TBC1D22A: variants seen among roughly 807,000 people sequenced by gnomAD.
The protein encoded by TBC1D22A is putative GTPase activator.
Under a neutral mutation model 60.2 loss-of-function variants are expected in TBC1D22A, and 38 were observed. The ratio of observed to expected loss-of-function variants is 0.63; its 90% CI spans 0.49 to 0.83. The LOEUF (loss-of-function observed/expected upper bound fraction) is 0.83. Among genes scored for constraint, TBC1D22A ranks in the 40% least tolerant of loss-of-function variants. The pLI is 0.00. For synonymous variants in TBC1D22A, 302 were observed against 281.7 expected (o/e 1.07, Z -0.72); for missense variants, 628 against 701.0 (o/e 0.90, Z 1.18).
chr22:47,160,318 G>A (rs908377648), intron 12 of TBC1D22A, among the ~76,000 whole-genome samples: 5 of 152,202 alleles, frequency 3.3e-5, no homozygotes, highest in Admixed American at 1.3e-4. Context: ...CGTGTGAGGG[G>A]CCCTCCCTTG....
At chr22:46,906,422 G>A (rs370304378) in intron 7 of TBC1D22A, among the ~76,000 whole-genome samples, 1 of 152,126 alleles carries the variant, frequency 6.6e-6, no homozygotes, top group African/African-American at 2.4e-5. Context: ...TTAGCTGCCT[G>A]GGCGCCGCTG....
At chr22:47,003,148 C>G (rs2061451314) in intron 10 of TBC1D22A, among the ~76,000 whole-genome samples, 1 of 152,132 alleles carries the variant, frequency 6.6e-6, no homozygotes, top group Non-Finnish European at 1.5e-5. Flanking sequence ...TTCATATAAA[C>G]AGTGAACAAT....
intron 10 of TBC1D22A, among the ~76,000 whole-genome samples, chr22:47,018,499 C>G (rs555423408): frequency 6.6e-6 from 1 of 152,268 alleles, no homozygotes; most frequent in African/African-American, 2.4e-5. Flanking sequence ...CTCGGCTGTC[C>G]TGCCTCTTGG....
chr22:46,770,617 C>G (rs1369244160), intron 1 of TBC1D22A, among the ~76,000 whole-genome samples: 1 of 152,176 alleles, frequency 6.6e-6, no homozygotes, highest in Non-Finnish European at 1.5e-5. Flanking sequence ...GGGTAACCTC[C>G]ACAAAGTGTG....
At chr22:46,898,533 AT>A (rs5845770) in intron 7 of TBC1D22A, among the ~76,000 whole-genome samples, 89,788 of 151,316 alleles carry the variant, frequency 0.59, 28,347 homozygotes, top group Middle Eastern at 0.79. Flanking sequence ...GTGAATCTGC[AT>A]TTTTTTTTTA....
chr22:47,160,623 G>T (rs2067942251), intron 12 of TBC1D22A, among the ~76,000 whole-genome samples: 1 of 152,232 alleles, frequency 6.6e-6, no homozygotes, highest in Non-Finnish European at 1.5e-5. Context: ...AAGTACAGGG[G>T]TCTTCGCTGG....
intron 1 of TBC1D22A, among the ~76,000 whole-genome samples, chr22:46,787,700 A>G (rs761206010): frequency 1.3e-5 from 2 of 152,224 alleles, no homozygotes; most frequent in South Asian, 4.1e-4. Flanking sequence ...CTCTTCCATA[A>G]TAGTATAAAC....
chr22:47,072,322 C>T (rs543092592), intron 11 of TBC1D22A, among the ~76,000 whole-genome samples: 5 of 152,340 alleles, frequency 3.3e-5, no homozygotes, highest in Non-Finnish European at 7.3e-5. Flanking sequence ...TTTGGGGCCA[C>T]TCTGCCTCAT....
intron 9 of TBC1D22A, among the ~76,000 whole-genome samples, chr22:46,983,632 A>G (rs1219005164): frequency 6.7e-6 from 1 of 149,700 alleles, no homozygotes; most frequent in Non-Finnish European, 1.5e-5. Context: ...GGTTGGAGGG[A>G]GGGTCCTTTG....
chr22:46,966,170 T>C (rs2073793923), intron 8 of TBC1D22A, among the ~76,000 whole-genome samples: 1 of 152,170 alleles, frequency 6.6e-6, no homozygotes, highest in Admixed American at 6.5e-5. Context: ...TCACCTGCGC[T>C]CTATCCGATC....
intron 12 of TBC1D22A, among the ~76,000 whole-genome samples, chr22:47,119,898 C>T (rs944086280): frequency 1.3e-5 from 2 of 152,182 alleles, no homozygotes; most frequent in East Asian, 1.9e-4. Flanking sequence ...CAGGGCGCCT[C>T]GTTACTGCAT....
At chr22:46,869,439 GGCCTGGTCC>G (rs2147417028) in intron 4 of TBC1D22A, among the ~76,000 whole-genome samples, 1 of 152,314 alleles carries the variant, frequency 6.6e-6, no homozygotes, top group African/African-American at 2.4e-5. Context: ...GCTAGTTCTG[GGCCTGGTCC>G]GTGGTGAGTG....
intron 9 of TBC1D22A, among the ~76,000 whole-genome samples, chr22:46,987,818 G>A (rs764682703): frequency 1.3e-4 from 20 of 152,266 alleles, no homozygotes; most frequent in South Asian, 8.3e-4. Context: ...TTTGAAGTTT[G>A]CCATGTCAGT....
chr22:46,980,031 T>C (rs1412324475), intron 9 of TBC1D22A, among the ~76,000 whole-genome samples: 1 of 152,102 alleles, frequency 6.6e-6, no homozygotes, highest in Non-Finnish European at 1.5e-5. Context: ...GGAATAAATG[T>C]TAGCGATTGC....
intron 11 of TBC1D22A, among the ~76,000 whole-genome samples, chr22:47,098,367 C>T (rs979753688): frequency 5.9e-5 from 9 of 152,180 alleles, no homozygotes; most frequent in South Asian, 2.1e-4. Context: ...CAGCATGGGG[C>T]GTGTCCAAAC....
intron 11 of TBC1D22A, among the ~76,000 whole-genome samples, chr22:47,071,305 C>T (rs1024286234): frequency 1.3e-5 from 2 of 152,250 alleles, no homozygotes; most frequent in Non-Finnish European, 2.9e-5. Context: ...GCCTTACAGC[C>T]TGTGCTGCTG....
At chr22:46,813,567 C>T (rs950471458) in intron 4 of TBC1D22A, among the ~76,000 whole-genome samples, 1 of 152,170 alleles carries the variant, frequency 6.6e-6, no homozygotes, top group African/African-American at 2.4e-5. Context: ...TGAGCTCCTA[C>T]CAGGCGAGGC....
intron 8 of TBC1D22A, among the ~76,000 whole-genome samples, chr22:46,947,069 C>T (rs548624399): frequency 6.6e-6 from 1 of 152,294 alleles, no homozygotes; most frequent in South Asian, 2.1e-4. Flanking sequence ...CTGCCAGGCC[C>T]AGCCTCCCCA....
intron 1 of TBC1D22A, chr22:46,773,934 TG>T (rs2083593170): frequency 4.1e-6 from 4 of 985,388 alleles, no homozygotes; most frequent in Non-Finnish European, 4.8e-6. Flanking sequence ...CTTAGAAGTC[TG>T]TGCCCTTACC....
Sources: allele counts gnomAD v4.1 joint callset (sites outside exome capture counted in the v4.1 genomes callset), GRCh38; gene constraint gnomAD v4.1.1; transcripts MANE v1.5; gene names NCBI Gene and HGNC (gene_info 2026-07-23, HGNC 2026-07-21).